FGGY: variants seen among roughly 807,000 people sequenced by gnomAD.
The protein encoded by FGGY is FGGY carbohydrate kinase domain-containing protein.
FGGY carries 72 observed loss-of-function variants against 71.3 expected under a neutral mutation model. The ratio of observed to expected loss-of-function variants is 1.01; its 90% CI spans 0.84 to 1.23. FGGY has a LOEUF of 1.23. Ranked by LOEUF, FGGY falls within the 50% of genes most tolerant of loss-of-function variation. FGGY has a pLI of 0.00. For missense variants in FGGY, 668 were observed against 682.3 expected (o/e 0.98, Z 0.23); for synonymous variants, 251 against 250.3 (o/e 1.00, Z -0.02).
intron 5 of FGGY, among the ~76,000 whole-genome samples, chr1:59,418,634 A>T (rs1428958991): frequency 6.6e-6 from 1 of 152,174 alleles, no homozygotes; most frequent in African/African-American, 2.4e-5. Context: ...GTAAATCTAC[A>T]TTTTACGTAA....
At chr1:59,486,548 G>T (rs2093663729) in intron 6 of FGGY, among the ~76,000 whole-genome samples, 1 of 152,118 alleles carries the variant, frequency 6.6e-6, no homozygotes, top group Admixed American at 6.5e-5. Flanking sequence ...GGCTTTCTCT[G>T]CCCCAGGGCT....
At chr1:59,560,978 A>G (rs2095783870) in intron 8 of FGGY, among the ~76,000 whole-genome samples, 1 of 152,138 alleles carries the variant, frequency 6.6e-6, no homozygotes, top group South Asian at 2.1e-4. Flanking sequence ...TGTGTCCACA[A>G]AGCCTCACAG....
intron 14 of FGGY, chr1:59,681,131 A>T (rs1410944182): frequency 5.3e-5 from 8 of 152,210 alleles, no homozygotes; most frequent in African/African-American, 1.9e-4. Flanking sequence ...AGCTATAAAA[A>T]GGTAGATAAA....
intron 5 of FGGY, among the ~76,000 whole-genome samples, chr1:59,381,972 T>G (rs1203268245): frequency 6.6e-6 from 1 of 152,128 alleles, no homozygotes; most frequent in Admixed American, 6.5e-5. Context: ...CATGAAATCT[T>G]TAAGTATGAC....
intron 8 of FGGY, among the ~76,000 whole-genome samples, chr1:59,592,730 A>C (rs1420807848): frequency 6.7e-6 from 1 of 150,258 alleles, no homozygotes; most frequent in Middle Eastern, 3.2e-3. Flanking sequence ...GTGGGAATTG[A>C]ACAATGAGAA....
chr1:59,623,253 CCAAAT>C (rs2096826985), intron 9 of FGGY, among the ~76,000 whole-genome samples: 1 of 152,128 alleles, frequency 6.6e-6, no homozygotes, highest in African/African-American at 2.4e-5. Context: ...ATTTTTCTCT[CCAAAT>C]CAAAATAATT....
At chr1:59,399,778 C>A (rs1265366010) in intron 5 of FGGY, among the ~76,000 whole-genome samples, 1 of 152,146 alleles carries the variant, frequency 6.6e-6, no homozygotes, top group Non-Finnish European at 1.5e-5. Flanking sequence ...TCTTGCATTT[C>A]TGAGAACTTC....
At chr1:59,628,513 G>C (rs995377588) in intron 10 of FGGY, among the ~76,000 whole-genome samples, 2 of 152,136 alleles carry the variant, frequency 1.3e-5, no homozygotes, top group African/African-American at 4.8e-5. Flanking sequence ...ATTGGTGGAG[G>C]AAAACTGTTG....
intron 5 of FGGY, among the ~76,000 whole-genome samples, chr1:59,404,806 A>G (rs2153413727): frequency 6.6e-6 from 1 of 152,280 alleles, no homozygotes; most frequent in Non-Finnish European, 1.5e-5. Context: ...GGTGTCTGCT[A>G]GATAGATGCT....
At chr1:59,538,725 C>G (rs1430635595) in intron 7 of FGGY, among the ~76,000 whole-genome samples, 1 of 151,792 alleles carries the variant, frequency 6.6e-6, no homozygotes, top group African/African-American at 2.4e-5. Context: ...AATCATCATT[C>G]TCAGTAAACT....
chr1:59,327,138 T>C (rs2047590011), intron 2 of FGGY, among the ~76,000 whole-genome samples: 1 of 152,260 alleles, frequency 6.6e-6, no homozygotes, highest in Non-Finnish European at 1.5e-5. Flanking sequence ...ATTTTTTAAG[T>C]AAGGTTTGCT....
At chr1:59,651,365 C>T (rs1446641227) in intron 11 of FGGY, among the ~76,000 whole-genome samples, 2 of 150,006 alleles carry the variant, frequency 1.3e-5, no homozygotes, top group African/African-American at 5.0e-5. Context: ...TAAAGTCTCC[C>T]ATTATTAATG....
At chr1:59,392,002 G>A (rs920179232) in intron 5 of FGGY, among the ~76,000 whole-genome samples, 3 of 152,102 alleles carry the variant, frequency 2.0e-5, no homozygotes, top group Non-Finnish European at 4.4e-5. Flanking sequence ...ACTCAGAAGG[G>A]TTTCATTCTG....
At chr1:59,297,754 C>T (rs1306299258) in intron 1 of FGGY, among the ~76,000 whole-genome samples, 1 of 150,918 alleles carries the variant, frequency 6.6e-6, no homozygotes, top group African/African-American at 2.4e-5. Context: ...ACCCAGGAGG[C>T]GGAGCTTGCA....
At chr1:59,640,635 T>C (rs968335870) in intron 11 of FGGY, among the ~76,000 whole-genome samples, 2 of 142,332 alleles carry the variant, frequency 1.4e-5, no homozygotes, top group Non-Finnish European at 3.0e-5. Context: ...AAGTGCTCAG[T>C]ATATGCTTAT....
intron 8 of FGGY, among the ~76,000 whole-genome samples, chr1:59,560,457 A>G (rs1326286823): frequency 6.6e-6 from 1 of 152,200 alleles, no homozygotes; most frequent in African/African-American, 2.4e-5. Context: ...AGTTCATGAT[A>G]ATATATCAGT....
chr1:59,749,232 G>T (rs1438009385), intron 14 of FGGY, among the ~76,000 whole-genome samples: 1 of 152,106 alleles, frequency 6.6e-6, no homozygotes, highest in Non-Finnish European at 1.5e-5. Flanking sequence ...GTCAACCGTT[G>T]TCTTGAACTC....
At chr1:59,614,369 T>A (rs1478871435) in intron 9 of FGGY, among the ~76,000 whole-genome samples, 3 of 152,018 alleles carry the variant, frequency 2.0e-5, no homozygotes, top group Non-Finnish European at 2.9e-5. Context: ...AACGTAATCC[T>A]GCATATAAAC....
chr1:59,472,582 T>C (rs1235812401), intron 6 of FGGY, among the ~76,000 whole-genome samples: 1 of 152,254 alleles, frequency 6.6e-6, no homozygotes, highest in Non-Finnish European at 1.5e-5. Context: ...CCTTTATGTC[T>C]AGATCAGGGA....
Sources: allele counts gnomAD v4.1 joint callset (sites outside exome capture counted in the v4.1 genomes callset), GRCh38; gene constraint gnomAD v4.1.1; transcripts MANE v1.5; gene names NCBI Gene and HGNC (gene_info 2026-07-23, HGNC 2026-07-21).